Variants in COL19A1 observed in about 807,000 individuals in gnomAD.
COL19A1 encodes the protein collagen alpha-1(XIX) chain.
A neutral mutation model predicts 190.2 loss-of-function variants in COL19A1; 159 were observed. The ratio of observed to expected loss-of-function variants is 0.84; its 90% CI spans 0.73 to 0.95. The LOEUF (loss-of-function observed/expected upper bound fraction) is 0.95. COL19A1 is among the 40% of genes least tolerant of loss of function. The pLI is 0.00. For synonymous variants in COL19A1, 509 were observed against 458.9 expected, an observed-to-expected ratio of 1.11 and a Z score of -1.39; for missense variants, 1,418 against 1,431.9, an observed-to-expected ratio of 0.99 and a Z score of 0.16.
intron 1 of COL19A1, among the ~76,000 whole-genome samples, chr6:69,875,022 T>C (rs529568616): frequency 1.3e-5 from 2 of 152,320 alleles, no homozygotes; most frequent in South Asian, 2.1e-4. Context: ...AAGACAGATA[T>C]AGTCCCTGCT....
chr6:70,156,077 A>G (rs763162051), intron 31 of COL19A1, 50 bp from the exon 32 acceptor site: 63 of 1,547,100 alleles, frequency 4.1e-5, no homozygotes, highest in Non-Finnish European at 4.2e-5. Context: ...CCTCACCTTT[A>G]TAGACGGCTT....
At chr6:70,128,612 A>G (rs1047380088) in intron 17 of COL19A1, among the ~76,000 whole-genome samples, 9 of 152,242 alleles carry the variant, frequency 5.9e-5, no homozygotes, top group Admixed American at 1.3e-4. Context: ...CAGGAGTTAC[A>G]TAAGTGGTGT....
intron 2 of COL19A1, among the ~76,000 whole-genome samples, chr6:69,887,210 A>T (rs745634620): frequency 2.6e-5 from 4 of 152,230 alleles, no homozygotes; most frequent in Admixed American, 6.5e-5. Context: ...GCCCCTTTCT[A>T]CTATCTTGAG....
chr6:69,890,497 T>C (rs547102689), intron 2 of COL19A1: 1 of 152,358 alleles, frequency 6.6e-6, no homozygotes, highest in South Asian at 2.1e-4. Context: ...TTTTCCATTT[T>C]CAGTGTCATC....
chr6:69,970,167 A>C (rs907420181), intron 11 of COL19A1, among the ~76,000 whole-genome samples: 7 of 152,208 alleles, frequency 4.6e-5, no homozygotes, highest in Non-Finnish European at 8.8e-5. Context: ...TCTAACACAA[A>C]TGATATAAAA....
chr6:69,969,733 G>A (rs1434568203), intron 11 of COL19A1, among the ~76,000 whole-genome samples: 2 of 152,128 alleles, frequency 1.3e-5, no homozygotes, highest in Non-Finnish European at 2.9e-5. Context: ...CATGGACTTT[G>A]TTATCAGCAG....
chr6:70,138,612 G>T (rs565663990), intron 19 of COL19A1, among the ~76,000 whole-genome samples: 2 of 152,200 alleles, frequency 1.3e-5, no homozygotes, highest in African/African-American at 4.8e-5. Context: ...TCACTAAATT[G>T]CCTGCATGAC....
intron 1 of COL19A1, among the ~76,000 whole-genome samples, chr6:69,874,513 A>C (rs927774406): frequency 2.0e-5 from 3 of 152,204 alleles, no homozygotes; most frequent in Non-Finnish European, 2.9e-5. Flanking sequence ...GCACTTTGGG[A>C]GGCCAAGGCA....
chr6:70,057,738 A>C (rs1780584089), intron 14 of COL19A1, among the ~76,000 whole-genome samples: 1 of 152,108 alleles, frequency 6.6e-6, no homozygotes, highest in African/African-American at 2.4e-5. Flanking sequence ...CTGCCACATA[A>C]GAAGTAAAAA....
chr6:69,976,951 T>A (rs893324290), intron 11 of COL19A1, among the ~76,000 whole-genome samples: 3 of 152,054 alleles, frequency 2.0e-5, no homozygotes, highest in Non-Finnish European at 2.9e-5. Context: ...AGAAGACCCA[T>A]CTGAAGCCGC....
chr6:70,173,768 T>C (rs905526956), intron 41 of COL19A1, among the ~76,000 whole-genome samples: 1 of 152,124 alleles, frequency 6.6e-6, no homozygotes, highest in African/African-American at 2.4e-5. Context: ...CGGTAGCGAA[T>C]AAATAGGCCA....
At chr6:70,205,989 G>A (rs372128312) in intron 49 of COL19A1, among the ~76,000 whole-genome samples, 10 of 152,132 alleles carry the variant, frequency 6.6e-5, no homozygotes, top group Admixed American at 2.0e-4. Flanking sequence ...ATGTTTAAAC[G>A]TTACTTAGAG....
chr6:70,026,449 T>C lies in COL19A1; in HGVS notation c.1080+2769T>C, dbSNP rs559549851. ...CAGGAGGTCATTCCTTTAGCACCGTTATTGTCTGATGTAGCTCATTAAGTA... is the reference window on the plus strand; with the variant it reads ...CAGGAGGTCATTCCTTTAGCACCGTCATTGTCTGATGTAGCTCATTAAGTA... On this transcript the variant is annotated intron_variant, in intron 12 of 50. Transcript: ENST00000620364. 3.3e-5 allele frequency among the ~76,000 whole-genome samples: 5 copies of C among 152,348 alleles called. No homozygotes were observed. The South Asian group carries it at 1.0e-3, about 32-fold the overall frequency.
At chr6:70,004,752 T>C (rs1326035977) in intron 11 of COL19A1, among the ~76,000 whole-genome samples, 1 of 152,188 alleles carries the variant, frequency 6.6e-6, no homozygotes, top group Non-Finnish European at 1.5e-5. Context: ...CTGGTTATTC[T>C]AGTTAGCAGC....
At chr6:69,924,425 C>T (rs1489054965) in intron 4 of COL19A1, among the ~76,000 whole-genome samples, 1 of 152,146 alleles carries the variant, frequency 6.6e-6, no homozygotes, top group Non-Finnish European at 1.5e-5. Context: ...CTACAAAGGA[C>T]ATGAACTCGT....
intron 14 of COL19A1, among the ~76,000 whole-genome samples, chr6:70,063,478 A>T (rs1467003089): frequency 2.6e-5 from 4 of 152,168 alleles, no homozygotes; most frequent in African/African-American, 9.7e-5. Context: ...ACACATTTAA[A>T]GCAGTGTGTA....
At chr6:70,033,446 T>G (rs1779178884) in intron 12 of COL19A1, among the ~76,000 whole-genome samples, 1 of 151,666 alleles carries the variant, frequency 6.6e-6, no homozygotes. Flanking sequence ...AAAAAGAAGT[T>G]TTTTTTTTCT....
chr6:70,139,270 C>T (rs147056699), intron 19 of COL19A1, among the ~76,000 whole-genome samples: 71 of 152,206 alleles, frequency 4.7e-4, no homozygotes, highest in African/African-American at 1.7e-3. Context: ...ATGGACCACA[C>T]TTTAAGCAGC....
intron 27 of COL19A1, among the ~76,000 whole-genome samples, chr6:70,147,484 T>C (rs1287804260): frequency 6.6e-6 from 1 of 152,180 alleles, no homozygotes; most frequent in East Asian, 1.9e-4. Context: ...TTATTTACTA[T>C]GGAAAGACAT....
Sources: allele counts gnomAD v4.1 joint callset (sites outside exome capture counted in the v4.1 genomes callset), GRCh38; gene constraint gnomAD v4.1.1; transcripts MANE v1.5; gene names NCBI Gene and HGNC (gene_info 2026-07-23, HGNC 2026-07-21).